Variants in MACROD2 observed in about 807,000 individuals in gnomAD.
The protein encoded by MACROD2 is mono-ADP ribosylhydrolase 2, also known as ADP-ribose glycohydrolase MACROD2.
In MACROD2, 36 loss-of-function variants were observed where a neutral mutation model predicts 70.4. That is an observed-to-expected ratio of 0.51 (90% CI 0.39 to 0.68). The LOEUF is 0.68. MACROD2 is among the 30% of genes least tolerant of loss of function. The pLI is 0.00. For missense variants in MACROD2, 496 were observed against 538.4 expected (o/e 0.92, Z 0.78); for synonymous variants, 172 against 178.8 (o/e 0.96, Z 0.30).
intron 8 of MACROD2, among the ~76,000 whole-genome samples, chr20:15,833,686 G>A (rs1292258912): frequency 6.6e-6 from 1 of 152,200 alleles, no homozygotes; most frequent in African/African-American, 2.4e-5. Flanking sequence ...GAAAATAAAG[G>A]TTTAAAGCAG....
chr20:15,975,191 G>A (rs1381404788), intron 13 of MACROD2, among the ~76,000 whole-genome samples: 5 of 152,016 alleles, frequency 3.3e-5, no homozygotes, highest in Non-Finnish European at 7.4e-5. Context: ...AAATAAAATA[G>A]TATCTTCTCT....
chr20:14,391,514 T>C (rs1451399263), intron 3 of MACROD2, among the ~76,000 whole-genome samples: 3 of 151,954 alleles, frequency 2.0e-5, no homozygotes, highest in South Asian at 2.1e-4. Flanking sequence ...AAATAACTAA[T>C]GGGCACTAGG....
At chr20:14,651,438 G>T (rs1985674933) in intron 4 of MACROD2, among the ~76,000 whole-genome samples, 1 of 152,116 alleles carries the variant, frequency 6.6e-6, no homozygotes, top group Non-Finnish European at 1.5e-5. Context: ...TGCACATCCT[G>T]GCTTTGACTG....
At chr20:14,480,067 T>C (rs2084645032) in intron 3 of MACROD2, among the ~76,000 whole-genome samples, 1 of 152,124 alleles carries the variant, frequency 6.6e-6, no homozygotes. Context: ...TTATTTATTG[T>C]AGAGACAGAG....
At chr20:14,733,671 T>C (rs767606498) in intron 5 of MACROD2, among the ~76,000 whole-genome samples, 2 of 152,188 alleles carry the variant, frequency 1.3e-5, no homozygotes, top group Non-Finnish European at 2.9e-5. Flanking sequence ...CATTTGTTTC[T>C]CTGGGAACTT....
At chr20:15,494,624 C>T (rs1032558340) in intron 7 of MACROD2, among the ~76,000 whole-genome samples, 1 of 151,888 alleles carries the variant, frequency 6.6e-6, no homozygotes, top group South Asian at 2.1e-4. Flanking sequence ...ACAAAACTAA[C>T]CTTTGATCAT....
intron 3 of MACROD2, among the ~76,000 whole-genome samples, chr20:14,238,688 T>G (rs190656356): frequency 6.6e-6 from 1 of 152,294 alleles, no homozygotes; most frequent in Non-Finnish European, 1.5e-5. Context: ...CTCCTTGAGC[T>G]GATAAACGAC....
At chr20:15,007,767 G>A (rs574230446) in intron 5 of MACROD2, among the ~76,000 whole-genome samples, 6 of 152,310 alleles carry the variant, frequency 3.9e-5, no homozygotes, top group South Asian at 2.1e-4. Flanking sequence ...ATCAGGGGGC[G>A]TCTACCTCCA....
At chr20:14,325,497 C>T in intron 3 of MACROD2, 1 of 1,526,522 alleles carries the variant, frequency 6.6e-7, no homozygotes. Context: ...AGGGTTCCTA[C>T]CATCACCTCC....
chr20:16,029,617 C>T (rs1355112492), intron 15 of MACROD2, among the ~76,000 whole-genome samples: 4 of 152,264 alleles, frequency 2.6e-5, no homozygotes, highest in African/African-American at 7.2e-5. Flanking sequence ...CCTACCCCAT[C>T]CCTAACTCTA....
At chr20:14,872,732 A>G (rs1384589284) in intron 5 of MACROD2, among the ~76,000 whole-genome samples, 2 of 152,130 alleles carry the variant, frequency 1.3e-5, no homozygotes, top group Admixed American at 6.6e-5. Context: ...TTTCATCACT[A>G]AGTGACTTAG....
intron 3 of MACROD2, among the ~76,000 whole-genome samples, chr20:14,208,264 G>A (rs1019180178): frequency 6.6e-6 from 1 of 152,188 alleles, no homozygotes; most frequent in Admixed American, 6.5e-5. Context: ...TTTGTGGGGA[G>A]TGATTATATT....
chr20:14,056,480 A>C (rs1392155407), intron 2 of MACROD2, among the ~76,000 whole-genome samples: 1 of 151,468 alleles, frequency 6.6e-6, no homozygotes, highest in Non-Finnish European at 1.5e-5. Context: ...AGCTTTTATT[A>C]CTCTAAATTT....
chr20:15,251,942 C>G (rs963478939), intron 6 of MACROD2, among the ~76,000 whole-genome samples: 2 of 152,220 alleles, frequency 1.3e-5, no homozygotes, highest in East Asian at 3.9e-4. Flanking sequence ...ATTAAGAAGA[C>G]AGTAGAAAAT....
chr20:16,027,407 T>G (rs1341546905), intron 15 of MACROD2, among the ~76,000 whole-genome samples: 2 of 152,230 alleles, frequency 1.3e-5, no homozygotes, highest in African/African-American at 2.4e-5. Flanking sequence ...GGACAAGATA[T>G]AGCGCAAATA....
chr20:14,459,630 C>T (rs1339260819), intron 3 of MACROD2, among the ~76,000 whole-genome samples: 1 of 151,828 alleles, frequency 6.6e-6, no homozygotes, highest in African/African-American at 2.4e-5. Flanking sequence ...TTTACCAGTT[C>T]TAATTTTTTT....
At chr20:14,120,683 T>C (rs2054576197) in intron 3 of MACROD2, among the ~76,000 whole-genome samples, 1 of 147,776 alleles carries the variant, frequency 6.8e-6, no homozygotes, top group Non-Finnish European at 1.5e-5. Flanking sequence ...ATCACATGTA[T>C]TATATATATA....
At chr20:15,096,378 G>GTTCA (rs1225718613) in intron 5 of MACROD2, among the ~76,000 whole-genome samples, 1 of 150,876 alleles carries the variant, frequency 6.6e-6, no homozygotes, top group African/African-American at 2.4e-5. Flanking sequence ...AGAATTTATT[G>GTTCA]TTCATGTATG....
In MACROD2 at chr20:15,683,380, T is replaced by G. The variant is rs149533121; in HGVS notation, c.646-179365T>G. Among the ~76,000 whole-genome samples the G allele has an allele frequency of 2.8e-3, 428 of 152,360 alleles. 3 individuals carry two copies. The highest frequency in any genetic ancestry group is 9.6e-3 in the African/African-American group (400 of 41,574). ...TTTTGACATCATCCTAGAAATTATT[T>G]CAGAAATAACCAAGATGGTAATTCC... On this transcript the variant is annotated intron_variant, in intron 8 of 17. Transcript: ENST00000684519.
Sources: gnomAD v4.1 joint callset for allele counts (sites outside exome capture counted in the v4.1 genomes callset) on GRCh38, gnomAD v4.1.1 for gene constraint, MANE v1.5 for transcripts, NCBI Gene and HGNC (gene_info 2026-07-23, HGNC 2026-07-21) for gene names.